Variants in ANO1 observed in about 807,000 individuals in gnomAD.
The protein encoded by ANO1 is anoctamin-1.
In ANO1, 59 loss-of-function variants were observed where a neutral mutation model predicts 124.0. The ratio of observed to expected loss-of-function variants is 0.48; its 90% CI spans 0.39 to 0.59. The LOEUF (loss-of-function observed/expected upper bound fraction) is 0.59. Ranked by LOEUF, ANO1 falls within the 20% of genes least tolerant of loss-of-function variation. The probability of loss-of-function intolerance (pLI) is 0.00; values close to 1 mark genes in which losing one functional copy is unlikely to be tolerated. For missense variants in ANO1, 1,059 were observed against 1,328.0 expected, an observed-to-expected ratio of 0.80 and a Z score of 3.15; for synonymous variants, 529 against 532.0, an observed-to-expected ratio of 0.99 and a Z score of 0.08.
intron 1 of ANO1, among the ~76,000 whole-genome samples, chr11:70,059,492 G>A (rs373519132): frequency 1.2e-4 from 18 of 152,222 alleles, no homozygotes; most frequent in African/African-American, 4.1e-4. Context: ...TGACCCATCC[G>A]ATGAAGGTGT....
the ANO1 span, among the ~76,000 whole-genome samples, chr11:69,977,155 G>T: frequency 5.1e-3 from 777 of 152,228 alleles, 8 homozygotes; most frequent in African/African-American, 0.018. Context: ...AATTAAAAGA[G>T]GGGGGGACAG....
At chr11:70,088,200 T>A in intron 2 of ANO1, 116 bp downstream of exon 2, 1 of 803,006 alleles carries the variant, frequency 1.2e-6, no homozygotes, top group Non-Finnish European at 1.9e-6. Flanking sequence ...TTGTTTTAGC[T>A]TTAAGCTGTT....
At chr11:70,099,174 C>T (rs1176789074) in intron 2 of ANO1, among the ~76,000 whole-genome samples, 2 of 152,168 alleles carry the variant, frequency 1.3e-5, no homozygotes, top group Non-Finnish European at 2.9e-5. Flanking sequence ...GGGCAGAATG[C>T]ACTCCTCAGG....
chr11:70,050,182 T>A (rs1352315728), intron 1 of ANO1, among the ~76,000 whole-genome samples: 5 of 152,174 alleles, frequency 3.3e-5, no homozygotes, highest in African/African-American at 1.2e-4. Context: ...TGTATCCTAT[T>A]CGGGGTGCAA....
chr11:70,137,138 G>A lies in ANO1; in HGVS notation c.1258+5059G>A, dbSNP rs150671841. Among the ~76,000 whole-genome samples the A allele has an allele frequency of 7.2e-3, 1,056 of 147,418 alleles. 47 individuals are homozygous for A. Among genetic ancestry groups the A allele is most frequent in the African/African-American group, 0.023 (953 of 41,334 alleles). On this transcript the variant is annotated intron_variant, in intron 11 of 25. Transcript: ENST00000355303. ...TTTAATTTGGGGATCAAAATGTATC[G>A]TAAATTTAGAATTATAAATGTAGGG... is the stretch of plus-strand genomic sequence containing the variant.
intron 1 of ANO1, among the ~76,000 whole-genome samples, chr11:70,023,315 T>C (rs971796966): frequency 2.6e-5 from 4 of 152,194 alleles, no homozygotes; most frequent in Non-Finnish European, 5.9e-5. Flanking sequence ...AGCAGGAGCA[T>C]GGCCATGTAT....
chr11:70,023,618 G>T (rs530873502), intron 1 of ANO1, among the ~76,000 whole-genome samples: 2 of 152,316 alleles, frequency 1.3e-5, no homozygotes, highest in Admixed American at 6.5e-5. Context: ...GTTCTGTCCT[G>T]GTTTAGGAGT....
intron 24 of ANO1, among the ~76,000 whole-genome samples, chr11:70,184,077 C>G (rs534080111): frequency 4.6e-5 from 7 of 152,330 alleles, no homozygotes; most frequent in African/African-American, 1.7e-4. Flanking sequence ...CCCGACTGAC[C>G]TCAGGTTTTA....
In ANO1 at chr11:70,155,968, G is replaced by T. The variant is rs937743518; in HGVS notation, c.1483G>T (p.Ala495Ser). 9.8e-6 allele frequency: 15 copies of T among 1,530,430 alleles called. No individual in the cohort carries two copies. Among genetic ancestry groups the T allele is most frequent in the Non-Finnish European group, 1.3e-5 (15 of 1,139,192 alleles). 94.8% of individuals were successfully genotyped at this position (1,530,430 alleles called of 1,614,324 possible). Residue 495 changes from alanine (A) to serine (S), a missense_variant, in exon 15 of 26, where the codon GCC becomes TCC. This residue lies in a region of ANO1 where 809 missense variants were observed against 1,094.9 expected (regional missense o/e 0.74). Transcript: ENST00000355303. ...TNKWKQRVKT[A>S]MAGVKLTDKV... is the part of the protein sequence containing the mutation. ...CAAATGGAAGCAGAGGGTTAAGACA[G>T]CCATGGCGGGGGTGAAATTGGTACT...
At chr11:70,112,634 G>A (rs935799732) in intron 7 of ANO1, among the ~76,000 whole-genome samples, 7 of 149,204 alleles carry the variant, frequency 4.7e-5, no homozygotes, top group Non-Finnish European at 8.9e-5. Flanking sequence ...CTCGGCTCAC[G>A]GCAACCTCCA....
intron 16 of ANO1, among the ~76,000 whole-genome samples, chr11:70,160,046 C>T (rs2047984346): frequency 6.6e-6 from 1 of 152,168 alleles, no homozygotes; most frequent in African/African-American, 2.4e-5. Flanking sequence ...CCCTCTGGGG[C>T]AAACAGACCC....
rs542426589 is a variant in ANO1, at chr11:70,041,348, G to A, written c.59-37194G>A. The stretch of plus-strand genomic sequence containing the variant: ...ATACCAATATTTACTCTTTTTATTC[G>A]ATATTTCACATCTGGGTTTGTGTCA... On this transcript the variant is annotated intron_variant, in intron 1 of 27. Transcript: ENST00000531349. Among the ~76,000 whole-genome samples, 14 of 152,250 alleles carry A rather than the reference G, an allele frequency of 9.2e-5. No individual in the cohort carries two copies. In the South Asian group the frequency reaches 1.0e-3, roughly 11 times the overall value.
chr11:70,159,725 G>A lies in ANO1; in HGVS notation c.1579-1436G>A, dbSNP rs921849479. On this transcript the variant is annotated intron_variant, in intron 16 of 25. Transcript: ENST00000355303. ...CCCGCTGGGGTGGAGGGCCTCCCTC[G>A]CTGAGTCACCCACAGGCCTGGCGCT... Among the ~76,000 whole-genome samples the A allele has an allele frequency of 4.6e-5, 7 of 152,202 alleles. No homozygotes were observed. The South Asian group carries it at 6.2e-4, about 13-fold the overall frequency.
chr11:70,102,815 G>A (rs1279080641), intron 2 of ANO1, among the ~76,000 whole-genome samples: 3 of 152,152 alleles, frequency 2.0e-5, no homozygotes, highest in Admixed American at 1.3e-4. Context: ...TCCTCCTCTA[G>A]ACCCTCCTGG....
At chr11:70,080,213 T>C (rs931148150) in intron 1 of ANO1, among the ~76,000 whole-genome samples, 3 of 152,136 alleles carry the variant, frequency 2.0e-5, no homozygotes, top group Non-Finnish European at 4.4e-5. Flanking sequence ...ACGTGTGAGG[T>C]AGGTGCTATT....
intron 21 of ANO1, among the ~76,000 whole-genome samples, chr11:70,169,154 C>T (rs2048362593): frequency 6.6e-6 from 1 of 152,158 alleles, no homozygotes; most frequent in African/African-American, 2.4e-5. Flanking sequence ...CTGCAGTGGG[C>T]CGCGAGAGTG....
At chr11:69,984,994 G>T (rs1237783474), upstream of ANO1, among the ~76,000 whole-genome samples, 1 of 152,176 alleles carries the variant, frequency 6.6e-6, no homozygotes, top group African/African-American at 2.4e-5. Context: ...ACAAGGAGGC[G>T]CCGGCACTGC....
Position 70,185,677 on chromosome 11 carries a change from GT to G in ANO1, c.2679del (p.Phe893LeufsTer12). The G allele has an allele frequency of 1.2e-6, 2 of 1,613,914 alleles. No homozygotes were observed. The highest frequency in any genetic ancestry group is 1.7e-6 in the Non-Finnish European group (2 of 1,179,824). On this transcript the variant is annotated frameshift_variant, in exon 25 of 26. Transcript: ENST00000355303. LOFTEE classifies it high-confidence loss of function. ...GGGCCGTCCTGGCAGCCCGGCTGGC[GT>G]TTGTCATCGTCTTCCAGGTGCGGTG... ...FWAVLAARLAFVIVFQNLVMF... is the reference protein window; with the variant it reads ...FWAVLAARLAXVIVFQNLVMF...
the ANO1 span, among the ~76,000 whole-genome samples, chr11:69,976,575 G>T: frequency 7.6e-6 from 1 of 132,176 alleles, no homozygotes; most frequent in Non-Finnish European, 1.6e-5. Flanking sequence ...GAGAGATTAG[G>T]ACACACACAC....
Sources: gnomAD v4.1 joint callset for allele counts (sites outside exome capture counted in the v4.1 genomes callset) on GRCh38, gnomAD v4.1.1 for gene constraint, gnomAD v4.1.1 regional missense constraint, MANE v1.5 for transcripts, NCBI Gene and HGNC (gene_info 2026-07-23, HGNC 2026-07-21) for gene names.